The following PDE3A variants were observed in gnomAD, a reference collection of about 807,000 sequenced individuals.
PDE3A encodes cGMP-inhibited 3',5'-cyclic phosphodiesterase 3A.
PDE3A carries 43 observed loss-of-function variants against 98.3 expected under a neutral mutation model. The ratio of observed to expected loss-of-function variants is 0.44; its 90% CI spans 0.34 to 0.56. The LOEUF is 0.56. Among genes scored for constraint, PDE3A ranks in the 20% least tolerant of loss-of-function variants. PDE3A has a pLI of 0.01. For synonymous variants in PDE3A, 663 were observed against 567.9 expected, an observed-to-expected ratio of 1.17 and a Z score of -2.38; for missense variants, 1,427 against 1,440.7, an observed-to-expected ratio of 0.99 and a Z score of 0.15.
chr12:20,674,065 T>A (rs531934361), intron 15 of PDE3A, among the ~76,000 whole-genome samples: 2 of 152,262 alleles, frequency 1.3e-5, no homozygotes, highest in South Asian at 4.1e-4. Flanking sequence ...TATTTCTAAT[T>A]TTTTATAGCT....
intron 1 of PDE3A, among the ~76,000 whole-genome samples, chr12:20,393,462 C>A (rs1026886142): frequency 6.6e-6 from 1 of 151,954 alleles, no homozygotes; most frequent in Non-Finnish European, 1.5e-5. Flanking sequence ...ATGGGAGGTA[C>A]AATTCAAGAT....
intron 1 of PDE3A, among the ~76,000 whole-genome samples, chr12:20,403,893 C>T (rs1407996670): frequency 1.3e-5 from 2 of 151,772 alleles, no homozygotes; most frequent in Admixed American, 6.6e-5. Context: ...TCTTGAGAGA[C>T]GTTAGATTAG....
chr12:20,654,178 G>C lies in PDE3A; in HGVS notation c.3157G>C (p.Glu1053Gln). The C allele has an allele frequency of 6.2e-7, 1 of 1,614,068 alleles. No homozygotes were observed. Among genetic ancestry groups the C allele is most frequent in the Non-Finnish European group, 8.5e-7 (1 of 1,179,958 alleles). Residue 1053 changes from glutamate (E) to glutamine (Q), a missense_variant, in exon 15 of 16, where the codon GAA (glutamate) becomes CAA (glutamine). Transcript: ENST00000359062. ...EEEAPAPNEE[E>Q]TCENNESPKK... is the part of the protein sequence containing the mutation. ...AGAAGCACCAGCACCAAATGAAGAG[G>C]AAACCTGTGAAAATAATGAATCTCC... is the stretch of plus-strand genomic sequence containing the variant.
intron 2 of PDE3A, among the ~76,000 whole-genome samples, chr12:20,589,038 T>A (rs754642456): frequency 6.6e-6 from 1 of 152,136 alleles, no homozygotes; most frequent in Non-Finnish European, 1.5e-5. Context: ...TTCTTCTGCC[T>A]CAGCCTCCCG....
chr12:20,633,835 T>C lies in PDE3A; in HGVS notation c.1846+57T>C, dbSNP rs1944439367. The C allele has an allele frequency of 3.8e-6, 4 of 1,058,856 alleles. No homozygotes were observed. The South Asian group carries it at 4.3e-5, about 11-fold the overall frequency. The allele number at this position is 1,058,856 out of a possible 1,614,324, so 65.6% of individuals were successfully genotyped here. A position where few individuals can be genotyped will look rare whatever the true frequency, so the allele number is the denominator to read the frequency against. The stretch of plus-strand genomic sequence containing the variant: ...AATGGAAATTGCCTTATTTTTGTTT[T>C]CCTGATCAAAACAGTGATCTACATT... On this transcript the variant is annotated intron_variant, in intron 7 of 15. Transcript: ENST00000359062.
At chr12:20,664,627 A>G (rs1945262930) in intron 15 of PDE3A, among the ~76,000 whole-genome samples, 1 of 152,140 alleles carries the variant, frequency 6.6e-6, no homozygotes, top group Non-Finnish European at 1.5e-5. Context: ...CTGGTACTGA[A>G]TAAGTCATGG....
chr12:20,588,107 G>T (rs1385328843), intron 2 of PDE3A, among the ~76,000 whole-genome samples: 2 of 152,186 alleles, frequency 1.3e-5, no homozygotes, highest in Non-Finnish European at 2.9e-5. Flanking sequence ...AAAATTGGAG[G>T]TGGAAGAGAA....
At chr12:20,515,240 A>G (rs1376490694) in intron 1 of PDE3A, among the ~76,000 whole-genome samples, 1 of 152,228 alleles carries the variant, frequency 6.6e-6, no homozygotes, top group Non-Finnish European at 1.5e-5. Context: ...TTAATGAGAC[A>G]ATATATGTTA....
At chr12:20,618,467 C>T (rs73080758) in intron 4 of PDE3A, among the ~76,000 whole-genome samples, 14,913 of 152,046 alleles carry the variant, frequency 0.098, 833 homozygotes, top group East Asian at 0.2. Flanking sequence ...CAACTTAACT[C>T]ATATTCCTTT....
chr12:20,554,159 C>T (rs1160713369), intron 1 of PDE3A, among the ~76,000 whole-genome samples: 1 of 150,044 alleles, frequency 6.7e-6, no homozygotes, highest in Non-Finnish European at 1.5e-5. Flanking sequence ...GCAGCCTATA[C>T]CTCAATAAAA....
At chr12:20,433,425 G>A (rs892876889) in intron 1 of PDE3A, among the ~76,000 whole-genome samples, 2 of 152,126 alleles carry the variant, frequency 1.3e-5, no homozygotes, top group Non-Finnish European at 2.9e-5. Flanking sequence ...TGGCACACAG[G>A]CTTGGAAATT....
chr12:20,416,597 T>G (rs1336821666), intron 1 of PDE3A, among the ~76,000 whole-genome samples: 1 of 152,202 alleles, frequency 6.6e-6, no homozygotes, highest in Non-Finnish European at 1.5e-5. Context: ...ACACGTGCTA[T>G]ATAAAACATA....
chr12:20,671,696 A>G (rs1304806101), intron 15 of PDE3A, among the ~76,000 whole-genome samples: 2 of 146,986 alleles, frequency 1.4e-5, no homozygotes, highest in Non-Finnish European at 3.0e-5. Context: ...GATGGGACAT[A>G]TTTCAAAATA....
intron 9 of PDE3A, among the ~76,000 whole-genome samples, chr12:20,638,467 G>T (rs1200584308): frequency 6.6e-6 from 1 of 152,154 alleles, no homozygotes; most frequent in Non-Finnish European, 1.5e-5. Context: ...TTTGCTAGGA[G>T]TTGAGAGTCC....
intron 1 of PDE3A, among the ~76,000 whole-genome samples, chr12:20,458,047 A>T (rs1945182204): frequency 2.0e-5 from 3 of 151,902 alleles, no homozygotes; most frequent in African/African-American, 7.3e-5. Context: ...TTTCTTCTTC[A>T]TTTCAGAAAT....
chr12:20,551,060 A>G (rs1400448837), intron 1 of PDE3A, among the ~76,000 whole-genome samples: 1 of 151,200 alleles, frequency 6.6e-6, no homozygotes, highest in African/African-American at 2.4e-5. Flanking sequence ...GTAGCAATAT[A>G]TATGCTTAGT....
At chr12:20,512,022 A>G (rs1027255453) in intron 1 of PDE3A, among the ~76,000 whole-genome samples, 1 of 152,098 alleles carries the variant, frequency 6.6e-6, no homozygotes, top group Non-Finnish European at 1.5e-5. Flanking sequence ...TGTAAAAGTC[A>G]TCAAAAACAA....
At chr12:20,615,733 A>G (rs1565450449) in intron 3 of PDE3A, among the ~76,000 whole-genome samples, 1 of 151,998 alleles carries the variant, frequency 6.6e-6, no homozygotes, top group Admixed American at 6.6e-5. Context: ...GTATTTATTT[A>G]TTTATTTATT....
At chr12:20,385,582 A>C (rs1018054248) in intron 1 of PDE3A, among the ~76,000 whole-genome samples, 13 of 151,918 alleles carry the variant, frequency 8.6e-5, no homozygotes, top group African/African-American at 2.4e-4. Context: ...AATGTGGCAT[A>C]TATACACCAT....
Sources: gnomAD v4.1 joint callset for allele counts (sites outside exome capture counted in the v4.1 genomes callset) on GRCh38, gnomAD v4.1.1 for gene constraint, MANE v1.5 for transcripts, NCBI Gene and HGNC (gene_info 2026-07-23, HGNC 2026-07-21) for gene names.